ALDH4A1: variants seen among roughly 807,000 people sequenced by gnomAD.
The protein encoded by ALDH4A1 is delta-1-pyrroline-5-carboxylate dehydrogenase, mitochondrial.
In ALDH4A1, 46 loss-of-function variants were observed where a neutral mutation model predicts 70.5. The observed-to-expected ratio is 0.65, with a 90% CI of 0.51 to 0.83. The LOEUF is 0.83. ALDH4A1 is among the 40% of genes least tolerant of loss of function. The pLI is 0.00. For missense variants in ALDH4A1, 749 were observed against 766.5 expected (o/e 0.98, Z 0.27); for synonymous variants, 323 against 324.3 (o/e 1.00, Z 0.04).
chr1:18,877,503 C>A lies in ALDH4A1; in HGVS notation c.1050G>T (p.Ala350=). The A allele has an allele frequency of 6.2e-7, 1 of 1,607,524 alleles. No individual in the cohort carries two copies. The highest frequency in any genetic ancestry group is 8.5e-7 in the Non-Finnish European group (1 of 1,177,338). Residue 350 remains alanine (A), a synonymous_variant, in exon 10 of 15, where the codon GCG becomes GCT. Coordinates refer to ENST00000375341, the MANE Select transcript of ALDH4A1 (RefSeq NM_003748.4). ...AFEYGGQKCS[A]CSRLYVPHSL... ...AGTGCGGCACGTAGAGACGCGAGCA[C>A]GCGGAACACTTCTGGCCACCGTACT... is the stretch of plus-strand genomic sequence containing the variant.
At chr1:18,896,195 G>A (rs1393216175) in intron 1 of ALDH4A1, among the ~76,000 whole-genome samples, 4 of 152,078 alleles carry the variant, frequency 2.6e-5, no homozygotes, top group Non-Finnish European at 4.4e-5. Context: ...CTGTGTGCCC[G>A]CCAGGCCACA....
At chr1:18,894,271 T>C (rs1935540859) in intron 1 of ALDH4A1, among the ~76,000 whole-genome samples, 1 of 152,226 alleles carries the variant, frequency 6.6e-6, no homozygotes. Flanking sequence ...CCGGTTGCAG[T>C]GGCTCACGCC....
chr1:18,895,505 C>A (rs563002106), intron 1 of ALDH4A1, among the ~76,000 whole-genome samples: 1 of 152,174 alleles, frequency 6.6e-6, no homozygotes, highest in Non-Finnish European at 1.5e-5. Flanking sequence ...GAAGGCCATG[C>A]ACCATTTCAC....
rs1557606817 is a variant in ALDH4A1, at chr1:18,872,496, G to T, written c.*349C>A. 4.9e-6 allele frequency: 1 copy of T among 206,050 alleles called. No individual in the cohort carries two copies. The highest frequency in any genetic ancestry group is 1.2e-4 in the East Asian group (1 of 8,652). The allele number at this position is 206,050 out of a possible 1,614,324, so 12.8% of individuals were successfully genotyped here. On this transcript the variant is annotated 3_prime_UTR_variant, in exon 15 of 15. Transcript: ENST00000375341. ...GAGGTTTGCCAAGGGGCCCAGAATG[G>T]CCTCCTTTTCCCCAAAGGATCCCAA...
chr1:18,873,043 ACCAGCAGTGTAGCGG>A (rs1223835681), intron 14 of ALDH4A1, 86 bp from the exon 15 acceptor site: 3 of 1,206,976 alleles, frequency 2.5e-6, no homozygotes, highest in Non-Finnish European at 3.6e-6. Flanking sequence ...GAATCAACGG[ACCAGCAGTGTAGCGG>A]CCAGCAGCGA....
chr1:18,877,954 T>C (rs1211639511), intron 9 of ALDH4A1, among the ~76,000 whole-genome samples: 1 of 152,046 alleles, frequency 6.6e-6, no homozygotes. Flanking sequence ...GAGCCAGCCA[T>C]TCCCAGAAGT....
chr1:18,901,373 G>T (rs1259321552), intron 1 of ALDH4A1, among the ~76,000 whole-genome samples: 2 of 152,206 alleles, frequency 1.3e-5, no homozygotes, highest in East Asian at 3.9e-4. Flanking sequence ...CTCAGAAAGG[G>T]CACAGCTCAT....
At chr1:18,874,719 C>G (rs1569716112) in intron 13 of ALDH4A1, 138 bp from the exon 14 acceptor site, 3 of 717,530 alleles carry the variant, frequency 4.2e-6, no homozygotes, top group Non-Finnish European at 7.1e-6. Context: ...AGGGATGCTG[C>G]CAGCTGTTGG....
chr1:18,875,385 T>C lies in ALDH4A1; in HGVS notation c.1457A>G (p.Asp486Gly), dbSNP rs972450233. 4.3e-6 allele frequency: 7 copies of C among 1,613,972 alleles called. No individual in the cohort carries two copies. The highest frequency in any genetic ancestry group is 1.3e-5 in the African/African-American group (1 of 74,904). The change falls in exon 13 of 15, where the codon GAT (aspartate) becomes GGT (glycine). Residue 486 changes from aspartate (D) to glycine (G), a missense_variant. Physicochemically the swap from Asp to Gly is moderately conservative, Grantham distance 94 (BLOSUM62 -1). Coordinates refer to ENST00000375341, the MANE Select transcript of ALDH4A1 (RefSeq NM_003748.4). Reference protein sequence around the residue: ...YGLTGAVFSQDKDVVQEATKV... With the variant: ...YGLTGAVFSQGKDVVQEATKV... Reference sequence around the variant, plus strand: ...GGGCTGCGGCCTGGCCACTCACTTATCCTGGGAGAACACTGCCCCCGTGAG... The same window carrying C: ...GGGCTGCGGCCTGGCCACTCACTTACCCTGGGAGAACACTGCCCCCGTGAG...
intron 5 of ALDH4A1, among the ~76,000 whole-genome samples, chr1:18,884,587 G>C (rs1935117896): frequency 6.6e-6 from 1 of 152,236 alleles, no homozygotes; most frequent in African/African-American, 2.4e-5. Context: ...CCATTGATCA[G>C]GGGCTTGCTA....
chr1:18,884,199 G>A (rs1227724696), intron 5 of ALDH4A1, among the ~76,000 whole-genome samples: 2 of 152,194 alleles, frequency 1.3e-5, no homozygotes, highest in African/African-American at 4.8e-5. Flanking sequence ...TGTCTTCCCA[G>A]CAACGTGCGG....
chr1:18,900,325 C>G (rs565691257), intron 1 of ALDH4A1, among the ~76,000 whole-genome samples: 117 of 152,244 alleles, frequency 7.7e-4, no homozygotes, highest in African/African-American at 2.6e-3. Context: ...AAATGCCCTG[C>G]GACTGTTTCT....
chr1:18,884,859 G>A lies in ALDH4A1; in HGVS notation c.453+614C>T, dbSNP rs115700529. On this transcript the variant is annotated intron_variant, in intron 5 of 14. Coordinates refer to ENST00000375341, the MANE Select transcript of ALDH4A1 (RefSeq NM_003748.4). ...CAGGAGGTAAGAGTTCACTGAGCACGGAAGAGACAGCAGGCATTCCAGGCA... is the reference window on the plus strand; with the variant it reads ...CAGGAGGTAAGAGTTCACTGAGCACAGAAGAGACAGCAGGCATTCCAGGCA... Among the ~76,000 whole-genome samples, 1,406 of 152,336 alleles carry A rather than the reference G, an allele frequency of 9.2e-3. 27 individuals carry two copies. Among genetic ancestry groups the A allele is most frequent in the African/African-American group, 0.032 (1,340 of 41,574 alleles).
intron 5 of ALDH4A1, 172 bp downstream of exon 5, chr1:18,885,301 A>G: frequency 1.5e-6 from 1 of 657,342 alleles, no homozygotes; most frequent in Non-Finnish European, 2.6e-6. Context: ...CTCGCCTAAT[A>G]ATCTGTGATC....
At position 18,877,254 on chromosome 1, in the gene ALDH4A1, G is replaced by A. The variant is rs1341374553; in HGVS notation, c.1139C>T (p.Pro380Leu). The A allele has an allele frequency of 6.2e-7, 1 of 1,605,466 alleles. No individual in the cohort carries two copies. Among genetic ancestry groups the A allele is most frequent in the Non-Finnish European group, 8.5e-7 (1 of 1,175,696 alleles). The change falls in exon 11 of 15, where the codon CCT becomes CTT. Residue 380 changes from proline to leucine, a missense_variant and splice_region_variant. Coordinates refer to ENST00000375341, the MANE Select transcript of ALDH4A1 (RefSeq NM_003748.4). ...GAAGAAGGTCCCAAAATCCTCTGCA[G>A]GCTGGAGGCAAGGGAGGCGCCAGAA... The part of the protein sequence containing the change: ...EEHSRIKVGD[P>L]AEDFGTFFSA...
At chr1:18,885,443 C>CCCCCCCCCCCCCCCCCCCCCCA in intron 5 of ALDH4A1, 30 bp downstream of exon 5, 1 of 803,762 alleles carries the variant, frequency 1.2e-6, no homozygotes, top group Non-Finnish European at 2.0e-6. Context: ...CCCACCCCGC[C>CCCCCCCCCCCCCCCCCCCCCCA]CCACCCACCC....
intron 1 of ALDH4A1, among the ~76,000 whole-genome samples, chr1:18,892,533 G>A (rs1935472624): frequency 6.7e-6 from 1 of 149,666 alleles, no homozygotes; most frequent in Admixed American, 6.6e-5. Flanking sequence ...GAGGAGCTGG[G>A]AAGAGCATCC....
chr1:18,883,028 A>T, intron 7 of ALDH4A1, 96 bp downstream of exon 7: 1 of 1,523,140 alleles, frequency 6.6e-7, no homozygotes, highest in Non-Finnish European at 9.1e-7. Context: ...CCCCATGACT[A>T]GGCTGAGACC....
At chr1:18,887,599 AG>A (rs1427798640) in intron 3 of ALDH4A1, among the ~76,000 whole-genome samples, 12 of 151,516 alleles carry the variant, frequency 7.9e-5, no homozygotes, top group Non-Finnish European at 1.6e-4. Flanking sequence ...ACTCCGTCTC[AG>A]AAAAAAAAAA....
Sources: allele counts gnomAD v4.1 joint callset (sites outside exome capture counted in the v4.1 genomes callset), GRCh38; gene constraint gnomAD v4.1.1; transcripts MANE v1.5; gene names NCBI Gene and HGNC (gene_info 2026-07-23, HGNC 2026-07-21).